The following NSMCE2 variants were observed in gnomAD, a reference collection of about 807,000 sequenced individuals.
NSMCE2 encodes the protein E3 SUMO-protein ligase NSE2.
Under a neutral mutation model 23.8 loss-of-function variants are expected in NSMCE2, and 24 were observed. The ratio of observed to expected loss-of-function variants is 1.01; its 90% CI spans 0.73 to 1.42. The LOEUF (loss-of-function observed/expected upper bound fraction) is 1.42. Among genes scored for constraint, NSMCE2 ranks in the 40% most tolerant of loss-of-function variants. NSMCE2 has a pLI of 0.00. For synonymous variants in NSMCE2, 92 were observed against 94.1 expected, an observed-to-expected ratio of 0.98 and a Z score of 0.13; for missense variants, 284 against 296.5, an observed-to-expected ratio of 0.96 and a Z score of 0.31.
intron 5 of NSMCE2, among the ~76,000 whole-genome samples, chr8:125,298,691 T>TTG (rs140127458): frequency 2.0e-4 from 15 of 75,648 alleles, no homozygotes; most frequent in African/African-American, 5.8e-4. Flanking sequence ...CTGTGGGTTT[T>TTG]TTTTTGTTTT....
intron 5 of NSMCE2, among the ~76,000 whole-genome samples, chr8:125,285,787 T>C (rs1432007852): frequency 6.6e-6 from 1 of 151,454 alleles, no homozygotes; most frequent in Admixed American, 6.6e-5. Flanking sequence ...CACAAAGCTA[T>C]ACACACAGTT....
intron 3 of NSMCE2, among the ~76,000 whole-genome samples, chr8:125,128,345 A>G (rs1242078080): frequency 6.6e-6 from 1 of 152,188 alleles, no homozygotes; most frequent in East Asian, 1.9e-4. Flanking sequence ...AGTGACTTGG[A>G]CTAGAAAGGT....
chr8:125,106,739 T>G (rs374425521), intron 3 of NSMCE2, among the ~76,000 whole-genome samples: 10 of 151,382 alleles, frequency 6.6e-5, no homozygotes, highest in African/African-American at 1.9e-4. Context: ...CTCACACTTG[T>G]AATCCTAGCA....
At chr8:125,365,534 C>T (rs1813744221) in intron 7 of NSMCE2, among the ~76,000 whole-genome samples, 1 of 152,154 alleles carries the variant, frequency 6.6e-6, no homozygotes, top group Non-Finnish European at 1.5e-5. Flanking sequence ...CATCTCAAAA[C>T]CTTCCAGTGT....
intron 5 of NSMCE2, among the ~76,000 whole-genome samples, chr8:125,207,234 A>G (rs1177664824): frequency 6.6e-6 from 1 of 151,962 alleles, no homozygotes; most frequent in Non-Finnish European, 1.5e-5. Flanking sequence ...TCTCCCAGAA[A>G]TTGGTATTTA....
At chr8:125,275,358 T>A (rs987947660) in intron 5 of NSMCE2, among the ~76,000 whole-genome samples, 1 of 152,212 alleles carries the variant, frequency 6.6e-6, no homozygotes, top group African/African-American at 2.4e-5. Context: ...TTATTCATTA[T>A]AATTTGTGGT....
intron 5 of NSMCE2, among the ~76,000 whole-genome samples, chr8:125,201,726 A>T (rs1014578825): frequency 2.0e-5 from 3 of 152,186 alleles, no homozygotes; most frequent in African/African-American, 7.2e-5. Flanking sequence ...CTCTCTTCAG[A>T]GCTGTCAGAC....
intron 3 of NSMCE2, among the ~76,000 whole-genome samples, chr8:125,129,461 CCTA>C (rs1819650631): frequency 6.6e-6 from 1 of 151,770 alleles, no homozygotes; most frequent in Admixed American, 6.6e-5. Context: ...CTTCTTCATT[CCTA>C]CTTAGTTTAT....
intron 3 of NSMCE2, among the ~76,000 whole-genome samples, chr8:125,131,178 T>A (rs1266666431): frequency 6.6e-6 from 1 of 152,226 alleles, no homozygotes; most frequent in East Asian, 1.9e-4. Context: ...AGTTTATTAT[T>A]ATTATTTTTG....
At chr8:125,245,200 TTGAACC>T (rs1168503861) in intron 5 of NSMCE2, among the ~76,000 whole-genome samples, 1 of 152,082 alleles carries the variant, frequency 6.6e-6, no homozygotes, top group East Asian at 1.9e-4. Flanking sequence ...GGAGAATCAC[TTGAACC>T]TGGGAGGCAG....
chr8:125,234,850 A>G (rs923844018), intron 5 of NSMCE2, among the ~76,000 whole-genome samples: 1 of 152,154 alleles, frequency 6.6e-6, no homozygotes, highest in East Asian at 1.9e-4. Flanking sequence ...TACTCAAAAC[A>G]CAACTCTTGT....
intron 3 of NSMCE2, among the ~76,000 whole-genome samples, chr8:125,133,373 C>T (rs1819869058): frequency 6.6e-6 from 1 of 151,970 alleles, no homozygotes; most frequent in African/African-American, 2.4e-5. Context: ...TGAAATAATC[C>T]AGGGGTGTAA....
intron 5 of NSMCE2, among the ~76,000 whole-genome samples, chr8:125,281,437 G>A (rs1396597367): frequency 6.6e-6 from 1 of 152,072 alleles, no homozygotes; most frequent in East Asian, 1.9e-4. Flanking sequence ...TGGGTGTATC[G>A]AGAGGGTGAT....
intron 5 of NSMCE2, among the ~76,000 whole-genome samples, chr8:125,219,759 T>G (rs2130912766): frequency 6.6e-6 from 1 of 152,306 alleles, no homozygotes; most frequent in East Asian, 1.9e-4. Flanking sequence ...AAGTTTTGTT[T>G]TAGACACTTT....
chr8:125,256,470 C>G lies in NSMCE2; in HGVS notation c.418+74214C>G, dbSNP rs1298127574. Among the ~76,000 whole-genome samples, 4 of 152,224 alleles carry G rather than the reference C, an allele frequency of 2.6e-5. No individual in the cohort carries two copies. The South Asian group carries it at 8.3e-4, about 32-fold the overall frequency. On this transcript the variant is annotated intron_variant, in intron 5 of 7. Coordinates refer to ENST00000287437, the MANE Select transcript of NSMCE2 (RefSeq NM_173685.4). ...CTTTGACGTGCTGGATATGTAAAGT[C>G]TCTGGCATCCATGTAGCGATGTCAG...
chr8:125,140,354 A>G (rs1820296359), intron 3 of NSMCE2, among the ~76,000 whole-genome samples: 1 of 152,124 alleles, frequency 6.6e-6, no homozygotes, highest in African/African-American at 2.4e-5. Flanking sequence ...CTACATTCTC[A>G]TTTAATTTTT....
intron 5 of NSMCE2, among the ~76,000 whole-genome samples, chr8:125,192,515 G>A (rs1038069689): frequency 7.9e-6 from 1 of 126,066 alleles, no homozygotes; most frequent in African/African-American, 4.5e-5. Flanking sequence ...AATATTATAT[G>A]TATATGGTAG....
chr8:125,219,874 C>A (rs1399696852), intron 5 of NSMCE2, among the ~76,000 whole-genome samples: 1 of 152,208 alleles, frequency 6.6e-6, no homozygotes, highest in African/African-American at 2.4e-5. Flanking sequence ...TCTGACATTA[C>A]TGGACAAGAT....
chr8:125,130,557 T>A (rs1442718992), intron 3 of NSMCE2, among the ~76,000 whole-genome samples: 2 of 152,156 alleles, frequency 1.3e-5, no homozygotes, highest in East Asian at 3.8e-4. Flanking sequence ...GGGCCCTGGT[T>A]CTTTTTGATT....
Sources: allele counts gnomAD v4.1 joint callset (sites outside exome capture counted in the v4.1 genomes callset), GRCh38; gene constraint gnomAD v4.1.1; transcripts MANE v1.5; gene names NCBI Gene and HGNC (gene_info 2026-07-23, HGNC 2026-07-21).